Variants in RSPH6A observed in about 807,000 individuals in gnomAD.
RSPH6A encodes radial spoke head protein 6 homolog A.
A neutral mutation model predicts 66.1 loss-of-function variants in RSPH6A; 49 were observed. That is an observed-to-expected ratio of 0.74 (90% CI 0.59 to 0.94). RSPH6A has a LOEUF of 0.94. RSPH6A is among the 40% of genes least tolerant of loss of function. The pLI, the probability that RSPH6A is intolerant of heterozygous loss-of-function variation, is 0.00. For synonymous variants in RSPH6A, 419 were observed against 402.4 expected, an observed-to-expected ratio of 1.04 and a Z score of -0.49; for missense variants, 977 against 948.3, an observed-to-expected ratio of 1.03 and a Z score of -0.40.
chr19:45,807,774 G>A (rs921379023), intron 2 of RSPH6A, among the ~76,000 whole-genome samples: 3 of 152,210 alleles, frequency 2.0e-5, no homozygotes, highest in South Asian at 2.1e-4. Context: ...GCCTCCCAAA[G>A]TGCTGACATA....
At position 45,810,614 on chromosome 19, in the gene RSPH6A, C is replaced by G. The variant is rs950148768; in HGVS notation, c.877G>C (p.Glu293Gln). Residue 293 changes from glutamate to glutamine, a missense_variant, in exon 2 of 6, where the codon GAG becomes CAG. Coordinates refer to ENST00000221538, the MANE Select transcript of RSPH6A (RefSeq NM_030785.4). Reference protein sequence around the residue: ...GGGTEGEQEMEEEVGETPVPN... With the variant: ...GGGTEGEQEMQEEVGETPVPN... ...ACTGGCTCACTCACCACCTCCTCCT[C>G]CATCTCCTGTTCGCCTTCAGTGCCG... The G allele has an allele frequency of 6.2e-7, 1 of 1,613,992 alleles. No individual in the cohort carries two copies. The highest frequency in any genetic ancestry group is 1.3e-5 in the African/African-American group (1 of 74,912).
intron 2 of RSPH6A, among the ~76,000 whole-genome samples, chr19:45,810,369 A>G (rs1010667382): frequency 6.6e-6 from 1 of 151,968 alleles, no homozygotes; most frequent in South Asian, 2.1e-4. Context: ...ACGGGGTTTC[A>G]TCATGTTAGC....
rs370576331 is a variant in RSPH6A, at chr19:45,805,020, C to T, written c.889-4G>A. 3.1e-5 allele frequency: 50 copies of T among 1,604,268 alleles called. No homozygotes were observed. In the African/African-American group the frequency reaches 5.2e-4, roughly 17 times the overall value. On this transcript the variant is annotated splice_region_variant and splice_polypyrimidine_tract_variant and intron_variant, in intron 2 of 5. Coordinates refer to ENST00000221538, the MANE Select transcript of RSPH6A (RefSeq NM_030785.4). Reference sequence around the variant, plus strand: ...TGTTGGGCACTGGTGTCTCCCCCTGCGCAGGGTAGGGTGGAGGGCAGAGGG... The same window carrying T: ...TGTTGGGCACTGGTGTCTCCCCCTGTGCAGGGTAGGGTGGAGGGCAGAGGG...
chr19:45,811,750 T>C (rs1479942549), intron 1 of RSPH6A, among the ~76,000 whole-genome samples: 1 of 44,488 alleles, frequency 2.2e-5, no homozygotes, highest in African/African-American at 7.0e-5. Context: ...TTTGTATTAT[T>C]ATTATTATTA....
chr19:45,810,474 C>T (rs1970609086), intron 2 of RSPH6A, 129 bp downstream of exon 2: 1 of 888,332 alleles, frequency 1.1e-6, no homozygotes, highest in Admixed American at 2.0e-5. Context: ...CCTGCCAAGA[C>T]TGAAGTTGTT....
intron 2 of RSPH6A, among the ~76,000 whole-genome samples, chr19:45,806,898 A>G (rs1970551484): frequency 6.6e-6 from 1 of 151,348 alleles, no homozygotes; most frequent in Non-Finnish European, 1.5e-5. Flanking sequence ...TTATTTATTT[A>G]TTATCATTAT....
In RSPH6A at chr19:45,804,035, A is replaced by G. The variant is rs149867373; in HGVS notation, c.1653+217T>C. On this transcript the variant is annotated intron_variant, in intron 3 of 5. Transcript: ENST00000221538. The surrounding 1 kb of genome is among the most constrained non-coding windows in gnomAD (Gnocchi z 5.8). The stretch of plus-strand genomic sequence containing the variant: ...AAGAAAAGAAAAGAAAAAGAAAAAA[A>G]AGAAGAAAGAAAGAAAAGAAAAAAA... 6.6e-6 allele frequency among the ~76,000 whole-genome samples: 1 copy of G among 152,136 alleles called. No homozygotes were observed. The highest frequency in any genetic ancestry group is 1.9e-4 in the East Asian group (1 of 5,174).
intron 2 of RSPH6A, among the ~76,000 whole-genome samples, chr19:45,806,670 C>CAAAA (rs71175223): frequency 6.9e-5 from 2 of 29,150 alleles, no homozygotes; most frequent in Non-Finnish European, 5.4e-5. Flanking sequence ...GACTCTGTCT[C>CAAAA]AAAAAAAAAA....
rs138776309 is a variant in RSPH6A at position 45,814,601 on chromosome 19, G to C, written c.576C>G (p.Pro192=). The C allele has an allele frequency of 1.9e-6, 3 of 1,569,154 alleles. No individual in the cohort carries two copies. The highest frequency in any genetic ancestry group is 8.6e-7 in the Non-Finnish European group (1 of 1,159,678). The change falls in exon 1 of 6, where the codon CCC becomes CCG. Residue 192 remains proline, a synonymous_variant. Transcript: ENST00000221538. ...TCTGCACGGCCAGCTCCAGAGGCTC[G>C]GGCTCAGGCACCTGGGCACTGTAGT... is the stretch of plus-strand genomic sequence containing the variant. ...FPHYSAQVPE[P]EPLELAVQNA... is the part of the protein sequence containing the mutation.
At position 45,795,866 on chromosome 19, in the gene RSPH6A, G is replaced by T. The variant is rs199580939; in HGVS notation, c.*3C>A. On this transcript the variant is annotated 3_prime_UTR_variant, in exon 6 of 6. Coordinates refer to ENST00000221538, the MANE Select transcript of RSPH6A (RefSeq NM_030785.4). Reference sequence around the variant, plus strand: ...CTTGGGGAAAGTGGCTAGAGGGTGGGCCTCAGTCATCTGTCTCCTCGCCCT... The same window carrying T: ...CTTGGGGAAAGTGGCTAGAGGGTGGTCCTCAGTCATCTGTCTCCTCGCCCT... The T allele has an allele frequency of 2.2e-6, 3 of 1,344,746 alleles. No homozygotes were observed. The highest frequency in any genetic ancestry group is 2.0e-6 in the Non-Finnish European group (2 of 997,810). The allele number at this position is 1,344,746 out of a possible 1,614,324, so 83.3% of individuals were successfully genotyped here. A position where few individuals can be genotyped will look rare whatever the true frequency, so the allele number is the denominator to read the frequency against.
chr19:45,796,491 T>G (rs532917067), intron 5 of RSPH6A, among the ~76,000 whole-genome samples: 1 of 151,908 alleles, frequency 6.6e-6, no homozygotes, highest in African/African-American at 2.4e-5. Flanking sequence ...AGCATGTGCA[T>G]AGCATGACTG....
At chr19:45,800,793 CTCTCTTTT>C (rs1970464081) in intron 4 of RSPH6A, among the ~76,000 whole-genome samples, 1 of 137,258 alleles carries the variant, frequency 7.3e-6, no homozygotes, top group Non-Finnish European at 1.6e-5. Context: ...CTCTCTCTCG[CTCTCTTTT>C]TTTTTTTTTT....
intron 2 of RSPH6A, among the ~76,000 whole-genome samples, chr19:45,807,682 T>C (rs375732495): frequency 4.4e-4 from 67 of 152,240 alleles, no homozygotes; most frequent in African/African-American, 1.6e-3. Flanking sequence ...GGCTAATTTT[T>C]GTATTTTTAG....
intron 2 of RSPH6A, among the ~76,000 whole-genome samples, chr19:45,809,702 C>G (rs1270794987): frequency 6.6e-6 from 1 of 152,148 alleles, no homozygotes; most frequent in African/African-American, 2.4e-5. Flanking sequence ...CAGGAGAGTC[C>G]TAGAGCAGGA....
In RSPH6A at chr19:45,804,777, C is replaced by T; in HGVS notation, c.1128G>A (p.Glu376=). 6.2e-7 allele frequency: 1 copy of T among 1,612,850 alleles called. No homozygotes were observed. The highest frequency in any genetic ancestry group is 8.5e-7 in the Non-Finnish European group (1 of 1,179,440). Reference sequence around the variant, plus strand: ...CCATGACCTCGCCACCTTCCGTCATCTCCTCCACCTCCTCCTCCTCTGCCT... The same window carrying T: ...CCATGACCTCGCCACCTTCCGTCATTTCCTCCACCTCCTCCTCCTCTGCCT... ...EEEAEEEEVE[E]MTEGGEVMEA... Residue 376 remains glutamate, a synonymous_variant, in exon 3 of 6, where the codon GAG becomes GAA. Coordinates refer to ENST00000221538, the MANE Select transcript of RSPH6A (RefSeq NM_030785.4). The surrounding 1 kb of genome is among the most constrained non-coding windows in gnomAD (Gnocchi z 5.8).
intron 3 of RSPH6A, among the ~76,000 whole-genome samples, chr19:45,802,531 G>T (rs1970486841): frequency 6.9e-6 from 1 of 145,222 alleles, no homozygotes; most frequent in African/African-American, 2.6e-5. Context: ...TTTTGAGATG[G>T]AGTTTTACTC....
At position 45,811,751 on chromosome 19, in the gene RSPH6A, ATTATTATTATT is replaced by A. The variant is rs752604078; in HGVS notation, c.651-922_651-912del. 1.1e-3 allele frequency among the ~76,000 whole-genome samples: 91 copies of A among 83,582 alleles called. No individual in the cohort carries two copies. The East Asian group carries it at 0.012, about 11-fold the overall frequency. 54.8% of individuals were successfully genotyped at this position (83,582 alleles called of 152,430 possible). A position where few individuals can be genotyped will look rare whatever the true frequency, so the allele number is the denominator to read the frequency against. On this transcript the variant is annotated intron_variant, in intron 1 of 5. Transcript: ENST00000221538. ...GCACCTGGCCAACATTTGTATTATT[ATTATTATTATT>A]ATTATTATTATTATTATTATTATTA...
intron 5 of RSPH6A, among the ~76,000 whole-genome samples, chr19:45,797,427 A>T (rs1399598676): frequency 6.6e-6 from 1 of 151,996 alleles, no homozygotes; most frequent in Non-Finnish European, 1.5e-5. Context: ...AAAAAAAATT[A>T]AATTATATAT....
intron 2 of RSPH6A, among the ~76,000 whole-genome samples, chr19:45,808,807 G>A (rs1970581159): frequency 6.7e-6 from 1 of 149,654 alleles, no homozygotes. Flanking sequence ...GACTACAGGT[G>A]ACCGCCACCA....
Sources: allele counts gnomAD v4.1 joint callset (sites outside exome capture counted in the v4.1 genomes callset), GRCh38; gene constraint gnomAD v4.1.1; non-coding constraint Gnocchi (gnomAD v3.1); transcripts MANE v1.5; gene names NCBI Gene and HGNC (gene_info 2026-07-23, HGNC 2026-07-21).